Variants in SDK1 observed in about 807,000 individuals in gnomAD.
The protein encoded by SDK1 is sidekick cell adhesion molecule 1.
Under a neutral mutation model 245.5 loss-of-function variants are expected in SDK1, and 157 were observed. That is an observed-to-expected ratio of 0.64 (90% CI 0.56 to 0.73). SDK1 has a LOEUF of 0.73. SDK1 is among the 30% of genes least tolerant of loss of function. The pLI, the probability that SDK1 is intolerant of heterozygous loss-of-function variation, is 0.00. For synonymous variants in SDK1, 1,647 were observed against 1,278.5 expected (o/e 1.29, Z -6.15); for missense variants, 3,583 against 3,002.3 (o/e 1.19, Z -4.52).
intron 22 of SDK1, among the ~76,000 whole-genome samples, chr7:4,081,063 T>A (rs995708997): frequency 6.6e-6 from 1 of 152,132 alleles, no homozygotes; most frequent in Non-Finnish European, 1.5e-5. Flanking sequence ...CGCGCTGTGG[T>A]CTTTGGTGTC....
intron 1 of SDK1, among the ~76,000 whole-genome samples, chr7:3,591,338 C>A (rs1188428948): frequency 6.6e-6 from 1 of 152,204 alleles, no homozygotes; most frequent in East Asian, 1.9e-4. Context: ...GCCTGCAGGG[C>A]ACAGCATGAC....
intron 1 of SDK1, among the ~76,000 whole-genome samples, chr7:3,365,733 CTTCAAGTCTT>C (rs1245412897): frequency 6.6e-6 from 1 of 152,112 alleles, no homozygotes; most frequent in African/African-American, 2.4e-5. Context: ...TTAGAAGTCT[CTTCAAGTCTT>C]TTTTCCAGGC....
Position 3,967,389 on chromosome 7 carries a change from T to C in SDK1, c.1501T>C (p.Cys501Arg). 1 of 1,614,066 alleles carries C rather than the reference T, an allele frequency of 6.2e-7. No individual in the cohort carries two copies. The highest frequency in any genetic ancestry group is 8.5e-7 in the Non-Finnish European group (1 of 1,179,988). ...VTDGMTAILR[C>R]EVSGAPKPAI... ...TGACGGGATGACAGCCATTCTAAGGTGTGAGGTGTCCGGGGCTCCCAAACC... is the reference window on the plus strand; with the variant it reads ...TGACGGGATGACAGCCATTCTAAGGCGTGAGGTGTCCGGGGCTCCCAAACC... Residue 501 changes from cysteine (C) to arginine (R), a missense_variant, in exon 10 of 45, where the codon TGT becomes CGT. Cys to Arg is a radical substitution (Grantham distance 180). Transcript: ENST00000404826.
intron 28 of SDK1, among the ~76,000 whole-genome samples, chr7:4,138,369 T>G (rs555769976): frequency 6.6e-6 from 1 of 152,250 alleles, no homozygotes; most frequent in African/African-American, 2.4e-5. Context: ...ATGCTTTTGT[T>G]ATGTTGTGCA....
At chr7:4,025,993 T>A (rs1787313144) in intron 17 of SDK1, among the ~76,000 whole-genome samples, 1 of 152,208 alleles carries the variant, frequency 6.6e-6, no homozygotes, top group Admixed American at 6.5e-5. Context: ...CTGGAAATGC[T>A]GAATCCGGGA....
chr7:3,893,699 G>A (rs961006105), intron 5 of SDK1, among the ~76,000 whole-genome samples: 8 of 151,160 alleles, frequency 5.3e-5, no homozygotes, highest in African/African-American at 1.9e-4. Context: ...AGCCACGATG[G>A]CATTCTAGAT....
intron 1 of SDK1, among the ~76,000 whole-genome samples, chr7:3,562,375 C>T (rs754988808): frequency 6.6e-6 from 1 of 152,146 alleles, no homozygotes; most frequent in African/African-American, 2.4e-5. Flanking sequence ...AAAAATTTGC[C>T]TAGGTTTCGG....
chr7:4,052,318 G>C (rs112814471), intron 19 of SDK1, among the ~76,000 whole-genome samples: 5 of 151,964 alleles, frequency 3.3e-5, no homozygotes, highest in African/African-American at 1.2e-4. Context: ...GCCAGCTGAC[G>C]CATCTGGAAA....
chr7:3,469,311 G>A (rs927745871), intron 1 of SDK1, among the ~76,000 whole-genome samples: 3 of 152,050 alleles, frequency 2.0e-5, no homozygotes, highest in Non-Finnish European at 2.9e-5. Context: ...CACACTTGTC[G>A]TCCCAGATAC....
chr7:3,612,197 C>A (rs368508203), intron 1 of SDK1, among the ~76,000 whole-genome samples: 21 of 152,224 alleles, frequency 1.4e-4, no homozygotes, highest in Admixed American at 5.2e-4. Context: ...AAAGAACTTA[C>A]TCGTGTAACC....
At position 4,158,479 on chromosome 7, in the gene SDK1, C is replaced by G. The variant is rs1234863678; in HGVS notation, c.4657C>G (p.Leu1553Val). 1 of 1,613,818 alleles carries G rather than the reference C, an allele frequency of 6.2e-7. No homozygotes were observed. The highest frequency in any genetic ancestry group is 1.1e-5 in the South Asian group (1 of 91,076). ...LRPFTSYKLR[L>V]KATNDIGDSD... Reference sequence around the variant, plus strand: ...GCCCTTCACCTCCTACAAGCTGCGCCTGAAAGCCACCAACGACATTGGGGA... The same window carrying G: ...GCCCTTCACCTCCTACAAGCTGCGCGTGAAAGCCACCAACGACATTGGGGA... Residue 1553 changes from leucine (L) to valine (V), a missense_variant, in exon 31 of 45, where the codon CTG becomes GTG. Coordinates refer to ENST00000404826, the MANE Select transcript of SDK1 (RefSeq NM_152744.4).
At chr7:3,934,791 T>C (rs766381909) in intron 5 of SDK1, among the ~76,000 whole-genome samples, 4 of 152,094 alleles carry the variant, frequency 2.6e-5, no homozygotes, top group African/African-American at 4.8e-5. Context: ...GTACGTGCAA[T>C]AGTGCACTGA....
chr7:3,955,232 T>C (rs1173141370), intron 7 of SDK1, among the ~76,000 whole-genome samples: 1 of 152,182 alleles, frequency 6.6e-6, no homozygotes, highest in African/African-American at 2.4e-5. Context: ...TGCTTGTGGC[T>C]TGGGGGCTGG....
At chr7:3,847,527 G>A (rs1258123509) in intron 5 of SDK1, among the ~76,000 whole-genome samples, 4 of 152,234 alleles carry the variant, frequency 2.6e-5, no homozygotes, top group Non-Finnish European at 4.4e-5. Flanking sequence ...GGAAGCAAGC[G>A]TGTGGGATTG....
chr7:3,550,322 G>A (rs1017431030), intron 1 of SDK1, among the ~76,000 whole-genome samples: 4 of 152,008 alleles, frequency 2.6e-5, no homozygotes, highest in East Asian at 1.9e-4. Flanking sequence ...AGTCATTTGC[G>A]TTTTCTTCCC....
chr7:4,035,145 T>C (rs538877114), intron 17 of SDK1, among the ~76,000 whole-genome samples: 6 of 130,518 alleles, frequency 4.6e-5, no homozygotes, highest in African/African-American at 2.0e-4. Context: ...TGCCCAGCTA[T>C]TTTTTTTTTT....
intron 1 of SDK1, among the ~76,000 whole-genome samples, chr7:3,474,453 A>G (rs1032294181): frequency 6.6e-6 from 1 of 151,886 alleles, no homozygotes; most frequent in Non-Finnish European, 1.5e-5. Context: ...CAACCCCAGT[A>G]TCTCACCACT....
At chr7:3,503,119 A>G (rs1026974013) in intron 1 of SDK1, among the ~76,000 whole-genome samples, 2 of 152,142 alleles carry the variant, frequency 1.3e-5, no homozygotes, top group Admixed American at 6.5e-5. Flanking sequence ...GCTTGCTGCA[A>G]TCTTGTCCTC....
intron 4 of SDK1, among the ~76,000 whole-genome samples, chr7:3,753,448 A>C (rs1779831079): frequency 6.6e-6 from 1 of 152,198 alleles, no homozygotes; most frequent in African/African-American, 2.4e-5. Flanking sequence ...TTTTGAGCTT[A>C]ATATTAGAAC....
Sources: allele counts gnomAD v4.1 joint callset (sites outside exome capture counted in the v4.1 genomes callset), GRCh38; gene constraint gnomAD v4.1.1; transcripts MANE v1.5; gene names NCBI Gene and HGNC (gene_info 2026-07-23, HGNC 2026-07-21).